Variants in TTLL11 observed in about 807,000 individuals in gnomAD.
The protein encoded by TTLL11 is tubulin tyrosine ligase like 11.
In TTLL11, 42 loss-of-function variants were observed where a neutral mutation model predicts 51.7. The ratio of observed to expected loss-of-function variants is 0.81; its 90% CI spans 0.64 to 1.05. The LOEUF (loss-of-function observed/expected upper bound fraction) is 1.05, where lower values mean the gene tolerates loss of function less well. TTLL11 is among the 50% of genes least tolerant of loss of function. TTLL11 has a pLI of 0.00. For missense variants in TTLL11, 799 were observed against 940.4 expected, an observed-to-expected ratio of 0.85 and a Z score of 1.97; for synonymous variants, 381 against 383.5, an observed-to-expected ratio of 0.99 and a Z score of 0.08.
chr9:121,974,154 T>C (rs545161885), intron 5 of TTLL11, 30 bp from the exon 6 acceptor site: 1 of 1,511,634 alleles, frequency 6.6e-7, no homozygotes, highest in East Asian at 2.5e-5. Flanking sequence ...TGTGTCACAG[T>C]GGAGACCGTG....
At chr9:121,938,813 A>G (rs1043808206) in intron 6 of TTLL11, among the ~76,000 whole-genome samples, 5 of 152,248 alleles carry the variant, frequency 3.3e-5, no homozygotes, top group Non-Finnish European at 7.3e-5. Flanking sequence ...TGTTGGCAAG[A>G]AAGTTGGCAA....
At chr9:122,071,896 T>C (rs1331815622) in intron 1 of TTLL11, among the ~76,000 whole-genome samples, 28 of 152,226 alleles carry the variant, frequency 1.8e-4, no homozygotes, top group Admixed American at 1.8e-3. Flanking sequence ...GGACACCAGC[T>C]GCTCGCCAGA....
At chr9:121,949,503 T>C (rs1022089587) in intron 6 of TTLL11, among the ~76,000 whole-genome samples, 2 of 152,188 alleles carry the variant, frequency 1.3e-5, no homozygotes, top group Non-Finnish European at 2.9e-5. Flanking sequence ...TGATGTCTCA[T>C]AGTTTAAAAA....
At chr9:121,935,926 G>A (rs1841194432) in intron 6 of TTLL11, among the ~76,000 whole-genome samples, 2 of 152,172 alleles carry the variant, frequency 1.3e-5, no homozygotes, top group African/African-American at 4.8e-5. Context: ...GCCCCGACAG[G>A]TCTCCAGGTA....
intron 3 of TTLL11, among the ~76,000 whole-genome samples, chr9:122,014,835 A>G (rs887159873): frequency 6.6e-6 from 1 of 152,068 alleles, no homozygotes; most frequent in African/African-American, 2.4e-5. Flanking sequence ...CGGGATGTAG[A>G]CCCTATAAAT....
chr9:122,045,486 G>A lies in TTLL11; in HGVS notation c.463-6118C>T, dbSNP rs576716539. Among the ~76,000 whole-genome samples the A allele has an allele frequency of 4.2e-4, 64 of 152,290 alleles. No homozygotes were observed. The South Asian group carries it at 8.1e-3, about 19-fold the overall frequency. On this transcript the variant is annotated intron_variant, in intron 1 of 8. Transcript: ENST00000321582. ...GAATCGCTTGAACCCAGGAAGCAGAGGTTGCAGTGAGCCAAGATCACGCCA... is the reference window on the plus strand; with the variant it reads ...GAATCGCTTGAACCCAGGAAGCAGAAGTTGCAGTGAGCCAAGATCACGCCA...
At chr9:122,089,857 T>C (rs1846214480) in intron 1 of TTLL11, among the ~76,000 whole-genome samples, 1 of 152,174 alleles carries the variant, frequency 6.6e-6, no homozygotes, top group Non-Finnish European at 1.5e-5. Flanking sequence ...GGCACAATCA[T>C]AGCTCACTGC....
rs1157242410 is a variant in TTLL11, at chr9:121,989,013, C to T, written c.1269+182G>A. 4.1e-6 allele frequency: 6 copies of T among 1,459,424 alleles called. No homozygotes were observed. Among genetic ancestry groups the T allele is most frequent in the Non-Finnish European group, 5.5e-6 (6 of 1,096,122 alleles). The allele number at this position is 1,459,424 out of a possible 1,614,324, so 90.4% of individuals were successfully genotyped here. On this transcript the variant is annotated intron_variant, in intron 4 of 8. Transcript: ENST00000321582. This position sits in a 1 kb window ranked among gnomAD's most constrained non-coding sequence, Gnocchi z 4.2. ...AGGGGAAGTAGCTTGCCCCAAATCA[C>T]ACAGGGAGCAAACAGAAAGCTTGGA...
intron 6 of TTLL11, among the ~76,000 whole-genome samples, chr9:121,917,561 G>T (rs1840380715): frequency 7.9e-6 from 1 of 127,304 alleles, no homozygotes; most frequent in East Asian, 2.6e-4. Flanking sequence ...GAAAAAGAAA[G>T]AAAGAAAGAA....
At chr9:122,016,758 G>A (rs1217907195) in intron 3 of TTLL11, among the ~76,000 whole-genome samples, 1 of 152,082 alleles carries the variant, frequency 6.6e-6, no homozygotes, top group African/African-American at 2.4e-5. Flanking sequence ...ACAGGTTTTT[G>A]GCTATATTCA....
At chr9:122,039,137 G>T in intron 2 of TTLL11, 135 bp downstream of exon 2, 1 of 685,106 alleles carries the variant, frequency 1.5e-6, no homozygotes, top group African/African-American at 1.8e-5. Context: ...AACCTTAATG[G>T]CTAGTGAACA....
chr9:121,833,466 T>C (rs1458335676), intron 8 of TTLL11, among the ~76,000 whole-genome samples: 1 of 152,208 alleles, frequency 6.6e-6, no homozygotes, highest in East Asian at 1.9e-4. Flanking sequence ...CTTCACCAGC[T>C]TAAGGATGGG....
chr9:122,045,229 C>T (rs115322295), intron 1 of TTLL11, among the ~76,000 whole-genome samples: 6,023 of 152,028 alleles, frequency 0.04, 388 homozygotes, highest in African/African-American at 0.14. Context: ...ATTGATCTAG[C>T]AATTCCAGTT....
At chr9:121,899,945 T>G in intron 6 of TTLL11, among the ~76,000 whole-genome samples, 1 of 152,226 alleles carries the variant, frequency 6.6e-6, no homozygotes, top group East Asian at 1.9e-4. Flanking sequence ...TATTTAACTC[T>G]GTCAATAACC....
chr9:121,961,948 C>T (rs376132346), intron 6 of TTLL11, among the ~76,000 whole-genome samples: 44 of 152,056 alleles, frequency 2.9e-4, no homozygotes, highest in Non-Finnish European at 5.4e-4. Flanking sequence ...ACCAGCTACT[C>T]GGGAGGCTGA....
intron 6 of TTLL11, among the ~76,000 whole-genome samples, chr9:121,931,445 T>C (rs1840964456): frequency 6.6e-6 from 1 of 151,948 alleles, no homozygotes; most frequent in Non-Finnish European, 1.5e-5. Flanking sequence ...TTCTGAACTA[T>C]AAGAAATATT....
intron 6 of TTLL11, among the ~76,000 whole-genome samples, chr9:121,948,764 G>A (rs1291189359): frequency 6.6e-6 from 1 of 152,198 alleles, no homozygotes; most frequent in Non-Finnish European, 1.5e-5. Context: ...TGCAGAGTGG[G>A]TTAGACCATT....
intron 6 of TTLL11, among the ~76,000 whole-genome samples, chr9:121,898,358 G>A (rs1293183554): frequency 6.6e-6 from 1 of 152,268 alleles, no homozygotes; most frequent in Non-Finnish European, 1.5e-5. Flanking sequence ...AGGCACTGCT[G>A]CTGCCTCTTT....
At chr9:121,908,322 T>C (rs1043520727) in intron 6 of TTLL11, among the ~76,000 whole-genome samples, 5 of 152,214 alleles carry the variant, frequency 3.3e-5, no homozygotes, top group African/African-American at 9.7e-5. Context: ...CTCCCAGTTC[T>C]GACATTTCAT....
Sources: gnomAD v4.1 joint callset for allele counts (sites outside exome capture counted in the v4.1 genomes callset) on GRCh38, gnomAD v4.1.1 for gene constraint, Gnocchi (gnomAD v3.1) non-coding constraint, MANE v1.5 for transcripts, NCBI Gene and HGNC (gene_info 2026-07-23, HGNC 2026-07-21) for gene names.